The following PRPS2 variants were observed in gnomAD, a reference collection of about 807,000 sequenced individuals.
The protein encoded by PRPS2 is ribose-phosphate pyrophosphokinase 2.
For missense variants in PRPS2, 104 were observed against 271.5 expected (o/e 0.38, Z 4.34); for synonymous variants, 111 against 115.3 (o/e 0.96, Z 0.24).
intron 4 of PRPS2, among the ~76,000 whole-genome samples, chrX:12,818,875 T>C (rs1023652086): frequency 1.8e-5 from 2 of 110,965 alleles, no homozygotes; most frequent in African/African-American, 6.6e-5. Context: ...GATTTTTTTT[T>C]TTAAAGAGAT....
At chrX:12,795,625 A>G (rs866858805) in intron 1 of PRPS2, among the ~76,000 whole-genome samples, 2 of 111,815 alleles carry the variant, frequency 1.8e-5, no homozygotes, top group Non-Finnish European at 3.8e-5. Context: ...ATAGAGGGCC[A>G]AATTTGCTAA....
rs7878770 is a variant in PRPS2 at position 12,799,794 on chromosome X, G to A, written c.306+404G>A. Reference sequence around the variant, plus strand: ...ATACTGTGTTATAGTTTCACAAGACGTTACCACAGGGAACTAGGTAAAAGG... The same window carrying A: ...ATACTGTGTTATAGTTTCACAAGACATTACCACAGGGAACTAGGTAAAAGG... On this transcript the variant is annotated intron_variant, in intron 2 of 6. Coordinates refer to ENST00000380668, the MANE Select transcript of PRPS2 (RefSeq NM_002765.5). 5.2e-3 allele frequency among the ~76,000 whole-genome samples: 580 copies of A among 111,160 alleles called. 4 individuals carry two copies. Among genetic ancestry groups the A allele is most frequent in the African/African-American group, 0.018 (548 of 30,532 alleles).
intron 4 of PRPS2, among the ~76,000 whole-genome samples, chrX:12,810,689 A>C (rs2042619258): frequency 9.1e-6 from 1 of 110,352 alleles, no homozygotes; most frequent in Non-Finnish European, 1.9e-5. Flanking sequence ...AACCCCCATA[A>C]AGAAGGGAGT....
rs749884772 is a variant in PRPS2 at position 12,823,552 on chromosome X, G to A, written c.*756G>A. On this transcript the variant is annotated 3_prime_UTR_variant, in exon 7 of 7. Coordinates refer to ENST00000380668, the MANE Select transcript of PRPS2 (RefSeq NM_002765.5). ...AATTCCAAAATTATATTGAGCAATC[G>A]CCAAGGCCTAAAGCCAACTGACTTA... 2.9e-4 allele frequency: 32 copies of A among 111,064 alleles called. No individual in the cohort carries two copies. The highest frequency in any genetic ancestry group is 2.8e-3 in the Admixed American group (29 of 10,452). 9.2% of individuals were successfully genotyped at this position (111,064 alleles called of 1,213,427 possible).
intron 4 of PRPS2, among the ~76,000 whole-genome samples, chrX:12,811,815 G>A (rs2042625417): frequency 8.9e-6 from 1 of 112,181 alleles, no homozygotes; most frequent in African/African-American, 3.2e-5. Flanking sequence ...TCTTAGAAGA[G>A]CCTTGTTCAT....
chrX:12,820,573 C>T, intron 5 of PRPS2, 71 bp from the exon 6 acceptor site: 1 of 1,054,466 alleles, frequency 9.5e-7, no homozygotes, highest in African/African-American at 1.9e-5. Context: ...GTGCTTTTAC[C>T]ATTCATACTA....
At chrX:12,819,775 C>A in intron 5 of PRPS2, 95 bp downstream of exon 5, 1 of 999,722 alleles carries the variant, frequency 1.0e-6, no homozygotes, top group Non-Finnish European at 1.3e-6. Context: ...CTGATTATTG[C>A]CGGTCTTGGC....
At chrX:12,813,515 A>G (rs1245967494) in intron 4 of PRPS2, among the ~76,000 whole-genome samples, 1 of 112,318 alleles carries the variant, frequency 8.9e-6, no homozygotes, top group Non-Finnish European at 1.9e-5. Flanking sequence ...TCCAAAAAAT[A>G]TACCAGTTGA....
chrX:12,812,177 G>T (rs1327722889), intron 4 of PRPS2, among the ~76,000 whole-genome samples: 3 of 112,009 alleles, frequency 2.7e-5, no homozygotes, highest in Non-Finnish European at 5.6e-5. Flanking sequence ...CAGTTGACTT[G>T]GAAACTTCTG....
rs2042517078 is a variant in PRPS2, at chrX:12,791,438, C to T, written c.-60C>T. 1 of 1,162,689 alleles carries T rather than the reference C, an allele frequency of 8.6e-7. No individual in the cohort carries two copies. The highest frequency in any genetic ancestry group is 1.2e-6 in the Non-Finnish European group (1 of 867,937). Reference sequence around the variant, plus strand: ...CAGCAGCAGCCTCCCGCGTCGCTGTCGCTGTTGCCTCCGCCACCTCCTCCG... The same window carrying T: ...CAGCAGCAGCCTCCCGCGTCGCTGTTGCTGTTGCCTCCGCCACCTCCTCCG... On this transcript the variant is annotated 5_prime_UTR_variant, in exon 1 of 7. Transcript: ENST00000380668.
At chrX:12,796,235 T>C (rs955365633) in intron 1 of PRPS2, among the ~76,000 whole-genome samples, 1 of 85,149 alleles carries the variant, frequency 1.2e-5, no homozygotes. Flanking sequence ...TTTTTTTTTT[T>C]TTGAGACAGA....
At chrX:12,803,501 C>T (rs1338492409) in intron 2 of PRPS2, among the ~76,000 whole-genome samples, 1 of 112,471 alleles carries the variant, frequency 8.9e-6, no homozygotes, top group African/African-American at 3.2e-5. Context: ...GTTGCCCAGG[C>T]TGGTCTTGAA....
chrX:12,808,174 A>AT (rs1011628733), intron 2 of PRPS2, among the ~76,000 whole-genome samples: 3 of 110,750 alleles, frequency 2.7e-5, no homozygotes, highest in African/African-American at 6.6e-5. Flanking sequence ...ATATATACCT[A>AT]TTTTTGATAA....
At chrX:12,812,655 T>C (rs1332156276) in intron 4 of PRPS2, among the ~76,000 whole-genome samples, 1 of 111,399 alleles carries the variant, frequency 9.0e-6, no homozygotes, top group Non-Finnish European at 1.9e-5. Flanking sequence ...ACCAAAAAAC[T>C]CCAAATACGT....
At chrX:12,804,016 C>T (rs1335060750) in intron 2 of PRPS2, among the ~76,000 whole-genome samples, 1 of 110,708 alleles carries the variant, frequency 9.0e-6, no homozygotes, top group Admixed American at 9.7e-5. Flanking sequence ...TGTTCTGACA[C>T]CATTATTTCT....
chrX:12,818,828 C>T lies in PRPS2; in HGVS notation c.531-679C>T, dbSNP rs1012727283. On this transcript the variant is annotated intron_variant, in intron 4 of 6. Transcript: ENST00000380668. ...CCAGCAAGCGAGGCCTGCCCACTTTCTCTTCCTGTTGGCAGCTCAGCTCCT... is the reference window on the plus strand; with the variant it reads ...CCAGCAAGCGAGGCCTGCCCACTTTTTCTTCCTGTTGGCAGCTCAGCTCCT... 3.6e-5 allele frequency among the ~76,000 whole-genome samples: 4 copies of T among 111,426 alleles called. No homozygotes were observed. In the South Asian group the frequency reaches 1.5e-3, roughly 42 times the overall value.
intron 4 of PRPS2, among the ~76,000 whole-genome samples, chrX:12,816,857 T>C (rs1201112196): frequency 9.0e-6 from 1 of 111,445 alleles, no homozygotes; most frequent in Non-Finnish European, 1.9e-5. Context: ...TTTATTTTGC[T>C]CTCCTTCTGG....
chrX:12,791,463 G>T lies in PRPS2; in HGVS notation c.-35G>T, dbSNP rs1181880595. 1.7e-6 allele frequency: 2 copies of T among 1,187,375 alleles called. No homozygotes were observed. Among genetic ancestry groups the T allele is most frequent in the East Asian group, 3.1e-5 (1 of 32,140 alleles). On this transcript the variant is annotated 5_prime_UTR_variant, in exon 1 of 7. Transcript: ENST00000380668. ...CGCTGTTGCCTCCGCCACCTCCTCC[G>T]CCGCCGCGCGCCCCTCGGAGTTCCG...
chrX:12,808,288 CTGTGTGTG>C (rs60881280), intron 2 of PRPS2, among the ~76,000 whole-genome samples: 6 of 102,379 alleles, frequency 5.9e-5, no homozygotes, highest in African/African-American at 7.1e-5. Flanking sequence ...CATGAATATA[CTGTGTGTG>C]TGTGTGTGTG....
Sources: gnomAD v4.1 joint callset for allele counts (sites outside exome capture counted in the v4.1 genomes callset) on GRCh38, gnomAD v4.1.1 for gene constraint, MANE v1.5 for transcripts, NCBI Gene and HGNC (gene_info 2026-07-23, HGNC 2026-07-21) for gene names.